CRACR2A: variants seen among roughly 807,000 people sequenced by gnomAD.
The protein encoded by CRACR2A is EF-hand calcium-binding domain-containing protein 4B.
A neutral mutation model predicts 90.5 loss-of-function variants in CRACR2A; 79 were observed. The observed-to-expected ratio is 0.87, with a 90% confidence interval of 0.73 to 1.05. CRACR2A has a LOEUF of 1.05. Ranked by LOEUF, CRACR2A falls within the 50% of genes least tolerant of loss-of-function variation. CRACR2A has a pLI of 0.00. For missense variants in CRACR2A, 823 were observed against 897.2 expected, an observed-to-expected ratio of 0.92 and a Z score of 1.06; for synonymous variants, 338 against 356.7, an observed-to-expected ratio of 0.95 and a Z score of 0.59.
intron 14 of CRACR2A, among the ~76,000 whole-genome samples, chr12:3,636,881 C>T (rs1005502058): frequency 5.4e-5 from 6 of 110,804 alleles, no homozygotes; most frequent in African/African-American, 2.4e-4. Context: ...TCACACCCTA[C>T]TGCAGCCACT....
chr12:3,665,155 A>T (rs1418529995), intron 7 of CRACR2A, among the ~76,000 whole-genome samples: 1 of 152,260 alleles, frequency 6.6e-6, no homozygotes, highest in African/African-American at 2.4e-5. Flanking sequence ...GAGTGAGGGC[A>T]AGAGACATGA....
chr12:3,668,699 G>A (rs1317224937), intron 7 of CRACR2A, among the ~76,000 whole-genome samples: 2 of 150,566 alleles, frequency 1.3e-5, no homozygotes, highest in Non-Finnish European at 3.0e-5. Flanking sequence ...TTGTGTGGGT[G>A]TGCAGGCCAT....
chr12:3,747,275 A>G (rs1302421526), intron 1 of CRACR2A, among the ~76,000 whole-genome samples: 1 of 152,180 alleles, frequency 6.6e-6, no homozygotes. Context: ...GATGATCATA[A>G]CAGTGCCTAT....
chr12:3,677,303 T>G (rs1945354396), intron 6 of CRACR2A, among the ~76,000 whole-genome samples: 1 of 152,236 alleles, frequency 6.6e-6, no homozygotes, highest in East Asian at 1.9e-4. Flanking sequence ...TCCCTCATGC[T>G]GCAATCTAAG....
intron 7 of CRACR2A, among the ~76,000 whole-genome samples, chr12:3,665,028 C>T (rs900698269): frequency 3.3e-5 from 5 of 152,200 alleles, no homozygotes; most frequent in African/African-American, 1.2e-4. Context: ...AACACTTCTT[C>T]ACCTGGCTCC....
intron 3 of CRACR2A, among the ~76,000 whole-genome samples, chr12:3,697,929 G>A (rs1945770552): frequency 6.6e-6 from 1 of 152,270 alleles, no homozygotes; most frequent in East Asian, 1.9e-4. Context: ...TGATGTGGAA[G>A]AGGGCATACG....
chr12:3,675,006 A>G (rs1018426557), intron 6 of CRACR2A, among the ~76,000 whole-genome samples: 6 of 152,192 alleles, frequency 3.9e-5, no homozygotes, highest in Admixed American at 3.9e-4. Flanking sequence ...TAACCTGATT[A>G]TGGAAAATCG....
intron 3 of CRACR2A, among the ~76,000 whole-genome samples, chr12:3,703,306 TG>T (rs1945862861): frequency 6.6e-6 from 1 of 152,150 alleles, no homozygotes; most frequent in Non-Finnish European, 1.5e-5. Flanking sequence ...AGGATGGTCT[TG>T]ATCTCCTGAC....
In CRACR2A at chr12:3,715,789, C is replaced by A. The variant is rs542773624; in HGVS notation, c.-117-2472G>T. 6.0e-4 allele frequency among the ~76,000 whole-genome samples: 92 copies of A among 152,306 alleles called. 1 individual carries two copies. The highest frequency in any genetic ancestry group is 2.1e-3 in the African/African-American group (87 of 41,554). On this transcript the variant is annotated intron_variant, in intron 2 of 19. Transcript: ENST00000440314. Reference sequence around the variant, plus strand: ...ACACTTTTTTAAGCAATGACAACAGCCATATAGTCCATCCCTAAAGAAATG... The same window carrying A: ...ACACTTTTTTAAGCAATGACAACAGACATATAGTCCATCCCTAAAGAAATG...
chr12:3,647,579 C>T lies in CRACR2A; in HGVS notation c.1118+963G>A, dbSNP rs186321679. 3.3e-5 allele frequency among the ~76,000 whole-genome samples: 5 copies of T among 152,250 alleles called. No individual in the cohort carries two copies. In the East Asian group the frequency reaches 9.6e-4, roughly 29 times the overall value. Reference sequence around the variant, plus strand: ...AGACCTTCGCGCAAATGGATTATAGCCTGGTCACCTAAGAACCCCTTTACA... The same window carrying T: ...AGACCTTCGCGCAAATGGATTATAGTCTGGTCACCTAAGAACCCCTTTACA... On this transcript the variant is annotated intron_variant, in intron 11 of 19. Coordinates refer to ENST00000440314, the MANE Select transcript of CRACR2A (RefSeq NM_001144958.2).
intron 17 of CRACR2A, among the ~76,000 whole-genome samples, chr12:3,619,696 A>G (rs1365439227): frequency 6.6e-6 from 1 of 152,226 alleles, no homozygotes; most frequent in Admixed American, 6.5e-5. Flanking sequence ...ATGAGGGGAC[A>G]GTTGATGCCA....
At chr12:3,677,889 C>T (rs953809215) in intron 6 of CRACR2A, among the ~76,000 whole-genome samples, 3 of 152,200 alleles carry the variant, frequency 2.0e-5, no homozygotes, top group Admixed American at 6.5e-5. Context: ...CCAGCCTTTC[C>T]CAGTTCTGCC....
chr12:3,644,196 T>C (rs1944642585), intron 12 of CRACR2A, among the ~76,000 whole-genome samples: 1 of 151,642 alleles, frequency 6.6e-6, no homozygotes. Flanking sequence ...ATTTCTAATG[T>C]GGTCTATGAC....
At chr12:3,679,832 A>G (rs1945413592) in intron 5 of CRACR2A, among the ~76,000 whole-genome samples, 1 of 152,200 alleles carries the variant, frequency 6.6e-6, no homozygotes, top group South Asian at 2.1e-4. Flanking sequence ...TCAACCTGGA[A>G]AATTCAGCCA....
At chr12:3,721,669 A>G (rs2137814389) in intron 2 of CRACR2A, among the ~76,000 whole-genome samples, 1 of 152,292 alleles carries the variant, frequency 6.6e-6, no homozygotes, top group Middle Eastern at 3.4e-3. Flanking sequence ...CATGTGAAAA[A>G]CTAAAATGTA....
chr12:3,670,791 G>T (rs1565483287), intron 7 of CRACR2A, among the ~76,000 whole-genome samples: 1 of 152,132 alleles, frequency 6.6e-6, no homozygotes, highest in African/African-American at 2.4e-5. Flanking sequence ...TCAGTGCCCT[G>T]CTCAAAACAG....
At chr12:3,648,431 TCAG>T in intron 11 of CRACR2A, 108 bp downstream of exon 11, 1 of 1,594,088 alleles carries the variant, frequency 6.3e-7, no homozygotes. Flanking sequence ...GGGCACTCTC[TCAG>T]CAGGCACGTT....
chr12:3,750,186 T>C (rs2137937688), intron 1 of CRACR2A, among the ~76,000 whole-genome samples: 1 of 152,074 alleles, frequency 6.6e-6, no homozygotes, highest in South Asian at 2.1e-4. Context: ...TCCACCCGCC[T>C]CAGCTTCCAA....
chr12:3,735,299 G>A (rs900557077), intron 1 of CRACR2A, among the ~76,000 whole-genome samples: 6 of 152,138 alleles, frequency 3.9e-5, no homozygotes, highest in African/African-American at 1.4e-4. Flanking sequence ...GCAAATCCTA[G>A]GACAGGGTGC....
Sources: allele counts gnomAD v4.1 joint callset (sites outside exome capture counted in the v4.1 genomes callset), GRCh38; gene constraint gnomAD v4.1.1; transcripts MANE v1.5; gene names NCBI Gene and HGNC (gene_info 2026-07-23, HGNC 2026-07-21).